C16orf96: variants seen among roughly 807,000 people sequenced by gnomAD.
The protein encoded by C16orf96 is chromosome 16 open reading frame 96, also known as uncharacterized protein C16orf96.
In C16orf96, 108 loss-of-function variants were observed where a neutral mutation model predicts 103.6. The observed-to-expected ratio is 1.04, with a 90% confidence interval of 0.89 to 1.22. The LOEUF (loss-of-function observed/expected upper bound fraction) is 1.22, where lower values mean the gene tolerates loss of function less well. Among genes scored for constraint, C16orf96 ranks in the 50% most tolerant of loss-of-function variants. The pLI is 0.00. For missense variants in C16orf96, 1,586 were observed against 1,464.2 expected, an observed-to-expected ratio of 1.08 and a Z score of -1.36; for synonymous variants, 566 against 593.5, an observed-to-expected ratio of 0.95 and a Z score of 0.67.
intron 9 of C16orf96, among the ~76,000 whole-genome samples, chr16:4,589,060 G>A: frequency 6.6e-6 from 1 of 152,114 alleles, no homozygotes; most frequent in Non-Finnish European, 1.5e-5. Context: ...AACGATGAAT[G>A]AATAAATGAA....
chr16:4,571,215 C>T (rs1410502060), intron 1 of C16orf96, among the ~76,000 whole-genome samples: 1 of 152,050 alleles, frequency 6.6e-6, no homozygotes. Context: ...AACCCTGTCT[C>T]TCCTGCTCCT....
At chr16:4,566,087 T>C (rs1479467158) in intron 1 of C16orf96, among the ~76,000 whole-genome samples, 2 of 152,216 alleles carry the variant, frequency 1.3e-5, no homozygotes, top group Non-Finnish European at 2.9e-5. Context: ...CCTCAAGCAC[T>C]CTTCCACCTT....
At position 4,556,415 on chromosome 16, in the gene C16orf96, C is replaced by G. The variant is rs2059262556; in HGVS notation, c.-75C>G. 7.0e-7 allele frequency: 1 copy of G among 1,422,630 alleles called. No homozygotes were observed. Among genetic ancestry groups the G allele is most frequent in the African/African-American group, 1.4e-5 (1 of 69,528 alleles). 88.1% of individuals were successfully genotyped at this position (1,422,630 alleles called of 1,614,324 possible). A position where few individuals can be genotyped will look rare whatever the true frequency, so the allele number is the denominator to read the frequency against. Reference sequence around the variant, plus strand: ...CCTCTGAGGACCAGTCCATGTAGCTCTCGGAACCACTGAAAGCTACCCCTT... The same window carrying G: ...CCTCTGAGGACCAGTCCATGTAGCTGTCGGAACCACTGAAAGCTACCCCTT... On this transcript the variant is annotated 5_prime_UTR_variant, in exon 1 of 16. Coordinates refer to ENST00000444310, the MANE Select transcript of C16orf96 (RefSeq NM_001145011.2).
intron 8 of C16orf96, 110 bp downstream of exon 8, chr16:4,587,223 C>A: frequency 9.3e-7 from 1 of 1,070,962 alleles, no homozygotes; most frequent in South Asian, 1.4e-5. Flanking sequence ...CCCCTTTGTT[C>A]ATATTGAAAC....
At chr16:4,578,451 T>G (rs1368086671) in intron 5 of C16orf96, among the ~76,000 whole-genome samples, 1 of 151,986 alleles carries the variant, frequency 6.6e-6, no homozygotes, top group Non-Finnish European at 1.5e-5. Context: ...TAAAAAAAAT[T>G]TTTTTTAATT....
Position 4,593,057 on chromosome 16 carries a change from GC to G in C16orf96, c.2775-163del, listed in dbSNP as rs924623871. 6.6e-5 allele frequency among the ~76,000 whole-genome samples: 10 copies of G among 152,280 alleles called. No homozygotes were observed. Among genetic ancestry groups the G allele is most frequent in the African/African-American group, 2.2e-4 (9 of 41,534 alleles). On this transcript the variant is annotated intron_variant, in intron 11 of 15. Coordinates refer to ENST00000444310, the MANE Select transcript of C16orf96 (RefSeq NM_001145011.2). The surrounding 1 kb of genome is among the most constrained non-coding windows in gnomAD (Gnocchi z 4.2). The stretch of plus-strand genomic sequence containing the variant: ...AGGTCCTGAGATGCCTTTCGGGGGG[GC>G]CCCTTCTACTTCTATGCTGTGGACG...
chr16:4,553,568 C>T (rs1005592984), upstream of C16orf96, among the ~76,000 whole-genome samples: 7 of 152,078 alleles, frequency 4.6e-5, no homozygotes, highest in Non-Finnish European at 8.8e-5. Flanking sequence ...ACGCTCTACT[C>T]CTGGGCTCAA....
chr16:4,542,775 C>T, the C16orf96 span, among the ~76,000 whole-genome samples: 6 of 151,634 alleles, frequency 4.0e-5, no homozygotes, highest in African/African-American at 7.3e-5. Flanking sequence ...CCAGCCTGGG[C>T]GACAAGCAAA....
intron 2 of C16orf96, among the ~76,000 whole-genome samples, chr16:4,573,823 T>A (rs568490903): frequency 4.0e-4 from 61 of 150,842 alleles, no homozygotes; most frequent in Non-Finnish European, 6.4e-4. Context: ...GGTGTTTTTG[T>A]TGTTGTTGTT....
At chr16:4,563,599 C>T (rs2059355659) in intron 1 of C16orf96, among the ~76,000 whole-genome samples, 2 of 151,558 alleles carry the variant, frequency 1.3e-5, no homozygotes, top group Admixed American at 1.3e-4. Flanking sequence ...GACGGAGTCT[C>T]GCTCTGTTGC....
intron 7 of C16orf96, among the ~76,000 whole-genome samples, chr16:4,584,743 A>G (rs1326528885): frequency 2.0e-5 from 3 of 152,130 alleles, no homozygotes. Context: ...CACATTGGCC[A>G]GGCTGGTCTT....
upstream of C16orf96, among the ~76,000 whole-genome samples, chr16:4,555,698 C>CT (rs1166481480): frequency 0.027 from 3,436 of 127,238 alleles, 71 homozygotes; most frequent in African/African-American, 0.048. Context: ...CTTTTCTTTT[C>CT]TTTTTTTTTT....
At chr16:4,539,727 C>T in the C16orf96 span, among the ~76,000 whole-genome samples, 5 of 152,050 alleles carry the variant, frequency 3.3e-5, no homozygotes, top group Admixed American at 3.3e-4. Context: ...AGGAGTCATG[C>T]ACCCAGAGGC....
Position 4,588,189 on chromosome 16 carries a change from C to A in C16orf96, c.2450C>A (p.Ala817Glu). The A allele has an allele frequency of 6.4e-7, 1 of 1,551,392 alleles. No homozygotes were observed. The highest frequency in any genetic ancestry group is 1.2e-5 in the South Asian group (1 of 84,042). The change falls in exon 9 of 16, where the codon GCA (alanine) becomes GAA (glutamate). Residue 817 changes from alanine to glutamate, a missense_variant. By Grantham distance (107) the Ala-to-Glu change is moderately radical. Transcript: ENST00000444310. ...TAGAAAGCTGACAGGAGTGCCCTGG[C>A]AGGCAAGGCAAGCCGCGTTGACCTG... ...LREKADRSAL[A>E]GKASRVDLET...
Position 4,587,122 on chromosome 16 carries a change from G to A in C16orf96, c.2427+9G>A, listed in dbSNP as rs1463249894. The A allele has an allele frequency of 6.4e-7, 1 of 1,550,938 alleles. No individual in the cohort carries two copies. ...AGGAGGAGCTGAGAGAGGTGAGTGA[G>A]CAGAGGTTCCTCTGCCTTCCCTGCT... On this transcript the variant is annotated intron_variant, in intron 8 of 15. Transcript: ENST00000444310.
chr16:4,561,223 C>G (rs1313095225), intron 1 of C16orf96: 2 of 152,104 alleles, frequency 1.3e-5, no homozygotes, highest in Non-Finnish European at 2.9e-5. Flanking sequence ...AGGAGAGTCA[C>G]TTGAACCCAG....
At chr16:4,588,850 C>A (rs558264568) in intron 9 of C16orf96, among the ~76,000 whole-genome samples, 9 of 152,132 alleles carry the variant, frequency 5.9e-5, no homozygotes, top group African/African-American at 2.2e-4. Context: ...AACGCTGCTG[C>A]TCATGGTGGA....
the C16orf96 span, among the ~76,000 whole-genome samples, chr16:4,542,484 A>G: frequency 6.6e-6 from 1 of 152,220 alleles, no homozygotes; most frequent in Non-Finnish European, 1.5e-5. Context: ...TATGCAAAAT[A>G]TTGTTTCAGT....
intron 9 of C16orf96, among the ~76,000 whole-genome samples, chr16:4,590,281 A>G (rs890954954): frequency 6.6e-6 from 1 of 151,900 alleles, no homozygotes; most frequent in African/African-American, 2.4e-5. Context: ...ATTTTTGGCC[A>G]GGCGCGGTGG....
Sources: allele counts gnomAD v4.1 joint callset (sites outside exome capture counted in the v4.1 genomes callset), GRCh38; gene constraint gnomAD v4.1.1; non-coding constraint Gnocchi (gnomAD v3.1); transcripts MANE v1.5; gene names NCBI Gene and HGNC (gene_info 2026-07-23, HGNC 2026-07-21).